NHEJ1: variants seen among roughly 807,000 people sequenced by gnomAD.
NHEJ1 encodes the protein non-homologous end joining factor 1, also known as non-homologous end-joining factor 1.
NHEJ1 carries 22 observed loss-of-function variants against 39.4 expected under a neutral mutation model. The observed-to-expected ratio is 0.56, with a 90% confidence interval of 0.40 to 0.80. The LOEUF (loss-of-function observed/expected upper bound fraction) is 0.80, where lower values mean the gene tolerates loss of function less well. NHEJ1 is among the 30% of genes least tolerant of loss of function. The pLI, the probability that NHEJ1 is intolerant of heterozygous loss-of-function variation, is 0.00. For missense variants in NHEJ1, 329 were observed against 357.1 expected, an observed-to-expected ratio of 0.92 and a Z score of 0.63; for synonymous variants, 154 against 135.6, an observed-to-expected ratio of 1.14 and a Z score of -0.94.
rs528087393 is a variant in NHEJ1, at chr2:219,104,150, T to G, written c.589-25944A>C. Among the ~76,000 whole-genome samples the G allele has an allele frequency of 1.4e-4, 21 of 152,256 alleles. No individual in the cohort carries two copies. The South Asian group carries it at 4.4e-3, about 32-fold the overall frequency. ...ACAAAGTCAGGGTCACCGCACTGCA[T>G]GAATCCAGGAGCATCCTACTTTATG... On this transcript the variant is annotated intron_variant, in intron 5 of 7. Coordinates refer to ENST00000356853, the MANE Select transcript of NHEJ1 (RefSeq NM_024782.3).
intron 5 of NHEJ1, among the ~76,000 whole-genome samples, chr2:219,115,243 C>A (rs1949402088): frequency 6.6e-6 from 1 of 151,906 alleles, no homozygotes; most frequent in Non-Finnish European, 1.5e-5. Context: ...ACCAGTGGAA[C>A]TAAAAAGCAA....
intron 3 of NHEJ1, among the ~76,000 whole-genome samples, chr2:219,155,833 G>C (rs1369028482): frequency 6.6e-6 from 1 of 152,006 alleles, no homozygotes; most frequent in Non-Finnish European, 1.5e-5. Context: ...GCTGAGGCAG[G>C]AGAATGGCAT....
chr2:219,157,567 A>G lies in NHEJ1; in HGVS notation c.295T>C (p.Cys99Arg). 6.2e-7 allele frequency: 1 copy of G among 1,614,230 alleles called. No individual in the cohort carries two copies. The highest frequency in any genetic ancestry group is 1.3e-5 in the African/African-American group (1 of 75,056). Residue 99 changes from cysteine to arginine, a missense_variant, in exon 3 of 8, where the codon TGT becomes CGT. Cys to Arg is a radical substitution (Grantham distance 180). Transcript: ENST00000356853. ...HPSEATFSCD[C>R]VADALILRVR... Reference sequence around the variant, plus strand: ...CGTAGAATCAGTGCATCTGCCACACAATCACAGGAGAAGGTAGCTTCGCTA... The same window carrying G: ...CGTAGAATCAGTGCATCTGCCACACGATCACAGGAGAAGGTAGCTTCGCTA...
At chr2:219,118,518 T>G (rs1408750627) in intron 5 of NHEJ1, among the ~76,000 whole-genome samples, 1 of 151,516 alleles carries the variant, frequency 6.6e-6, no homozygotes, top group Non-Finnish European at 1.5e-5. Flanking sequence ...AAGAGAGCCT[T>G]GATTCAGGGG....
At chr2:219,118,051 T>C (rs1949432576) in intron 5 of NHEJ1, among the ~76,000 whole-genome samples, 1 of 152,234 alleles carries the variant, frequency 6.6e-6, no homozygotes, top group African/African-American at 2.4e-5. Flanking sequence ...TTCCACTGTT[T>C]GATCTCCTGG....
At chr2:219,112,311 A>C (rs1869802) in intron 5 of NHEJ1, among the ~76,000 whole-genome samples, 110,190 of 152,024 alleles carry the variant, frequency 0.72, 40,420 homozygotes, top group Non-Finnish European at 0.77. Flanking sequence ...AGCTCAAGGA[A>C]CCCCAGTTTC....
At chr2:219,134,502 C>G (rs997241872) in intron 5 of NHEJ1, among the ~76,000 whole-genome samples, 6 of 152,162 alleles carry the variant, frequency 3.9e-5, no homozygotes, top group Admixed American at 2.6e-4. Context: ...CTCACATTTC[C>G]ATCACTGGCT....
At chr2:219,148,446 C>T (rs1470897746) in intron 3 of NHEJ1, among the ~76,000 whole-genome samples, 3 of 152,140 alleles carry the variant, frequency 2.0e-5, no homozygotes, top group African/African-American at 7.2e-5. Flanking sequence ...GTAATCCCAA[C>T]TACTCGGGAG....
intron 5 of NHEJ1, among the ~76,000 whole-genome samples, chr2:219,083,998 CTTTCTTTGCT>C (rs1399404502): frequency 6.9e-6 from 1 of 145,064 alleles, no homozygotes; most frequent in Non-Finnish European, 1.5e-5. Context: ...AGGATATTTT[CTTTCTTTGCT>C]TTTTTTTTTT....
At chr2:219,099,153 G>A (rs1401055115) in intron 5 of NHEJ1, among the ~76,000 whole-genome samples, 1 of 152,160 alleles carries the variant, frequency 6.6e-6, no homozygotes, top group East Asian at 1.9e-4. Context: ...AGAATATGGA[G>A]AAGTGCAATG....
intron 5 of NHEJ1, among the ~76,000 whole-genome samples, chr2:219,084,379 T>C (rs1194094733): frequency 2.0e-5 from 3 of 152,198 alleles, no homozygotes; most frequent in Non-Finnish European, 2.9e-5. Context: ...CTGTATTAAC[T>C]TCTCTTCACT....
In NHEJ1 at chr2:219,070,481, T is replaced by C. The variant is rs1373656778; in HGVS notation, c.*5900A>G. ...TGCTGGGATTACAGGCGTGAGCCAC[T>C]GCGCCTGGCCCACCACGCTAATTTT... is the stretch of plus-strand genomic sequence containing the variant. On this transcript the variant is annotated 3_prime_UTR_variant, in exon 8 of 8. Transcript: ENST00000356853. Among the ~76,000 whole-genome samples the C allele has an allele frequency of 6.6e-6, 1 of 151,850 alleles. No homozygotes were observed. The highest frequency in any genetic ancestry group is 1.5e-5 in the Non-Finnish European group (1 of 67,930).
At chr2:219,159,588 C>CATATATATATATGCATATATATATGCAT (rs1559206415) in intron 1 of NHEJ1, among the ~76,000 whole-genome samples, 12 of 69,538 alleles carry the variant, frequency 1.7e-4, no homozygotes, top group African/African-American at 1.0e-3. Context: ...TATATATATG[C>CATATATATATATGCATATATATATGCAT]ATATATATAT....
chr2:219,146,701 G>A lies in NHEJ1; in HGVS notation c.567C>T (p.Phe189=), dbSNP rs1184030910. The part of the protein sequence containing the change: ...LKTEPFEENS[F]LEQFMIEKLP... ...TTACCTCTATCATAAATTGTTCCAA[G>A]AAGGAATTTTCTTCAAATGGTTCTG... The change falls in exon 5 of 8, where the codon TTC becomes TTT. Residue 189 remains phenylalanine, a synonymous_variant. Transcript: ENST00000356853. 3 of 1,611,478 alleles carry A rather than the reference G, an allele frequency of 1.9e-6. No homozygotes were observed. The East Asian group carries it at 6.7e-5, about 36-fold the overall frequency.
Position 219,073,666 on chromosome 2 carries a change from G to A in NHEJ1, c.*2715C>T, listed in dbSNP as rs921354590. On this transcript the variant is annotated 3_prime_UTR_variant, in exon 8 of 8. Coordinates refer to ENST00000356853, the MANE Select transcript of NHEJ1 (RefSeq NM_024782.3). ...CTGCTCCTGGTTTGCTGGCTTGCTC[G>A]TGTAAACCACCTTATATTATTTTTT... is the stretch of plus-strand genomic sequence containing the variant. Among the ~76,000 whole-genome samples, 3 of 152,204 alleles carry A rather than the reference G, an allele frequency of 2.0e-5. No homozygotes were observed. Among genetic ancestry groups the A allele is most frequent in the African/African-American group, 4.8e-5 (2 of 41,444 alleles).
At chr2:219,123,904 G>A (rs149487753) in intron 5 of NHEJ1, among the ~76,000 whole-genome samples, 5 of 152,308 alleles carry the variant, frequency 3.3e-5, no homozygotes, top group African/African-American at 1.2e-4. Flanking sequence ...ATATTATGTA[G>A]CTCTAATAAA....
intron 5 of NHEJ1, among the ~76,000 whole-genome samples, chr2:219,127,618 A>C (rs1949537704): frequency 6.6e-6 from 1 of 152,132 alleles, no homozygotes; most frequent in African/African-American, 2.4e-5. Context: ...AGATCTCTCA[A>C]CCTCTAAAAA....
chr2:219,089,085 C>T (rs1949137724), intron 5 of NHEJ1, among the ~76,000 whole-genome samples: 1 of 152,152 alleles, frequency 6.6e-6, no homozygotes, highest in African/African-American at 2.4e-5. Flanking sequence ...TCCCAAAGTG[C>T]TCGGATTACA....
At chr2:219,119,636 T>C (rs1254893611) in intron 5 of NHEJ1, among the ~76,000 whole-genome samples, 1 of 152,198 alleles carries the variant, frequency 6.6e-6, no homozygotes, top group East Asian at 1.9e-4. Flanking sequence ...CGCCACCTGC[T>C]GTCCTTTCAT....
Sources: allele counts gnomAD v4.1 joint callset (sites outside exome capture counted in the v4.1 genomes callset), GRCh38; gene constraint gnomAD v4.1.1; transcripts MANE v1.5; gene names NCBI Gene and HGNC (gene_info 2026-07-23, HGNC 2026-07-21).